Variants in MAML3 observed in about 807,000 individuals in gnomAD.
MAML3 encodes the protein mastermind like transcriptional coactivator 3, also known as mastermind-like protein 3.
A neutral mutation model predicts 101.9 loss-of-function variants in MAML3; 27 were observed. The ratio of observed to expected loss-of-function variants is 0.27; its 90% confidence interval spans 0.20 to 0.37. The LOEUF (loss-of-function observed/expected upper bound fraction) is 0.37, where lower values mean the gene tolerates loss of function less well. Among genes scored for constraint, MAML3 ranks in the 10% least tolerant of loss-of-function variants. The pLI is 1.00. For missense variants in MAML3, 1,316 were observed against 1,444.9 expected (o/e 0.91, Z 1.45); for synonymous variants, 501 against 555.9 (o/e 0.90, Z 1.39).
At chr4:139,756,948 G>A (rs6536440) in intron 2 of MAML3, among the ~76,000 whole-genome samples, 14,472 of 152,128 alleles carry the variant, frequency 0.095, 1,171 homozygotes, top group East Asian at 0.45. Context: ...GCTTGGAAGC[G>A]CATTATCACA....
intron 1 of MAML3, among the ~76,000 whole-genome samples, chr4:140,150,779 T>G (rs1729144884): frequency 1.3e-5 from 2 of 150,348 alleles, no homozygotes; most frequent in South Asian, 4.2e-4. Context: ...GGGAGAGAAA[T>G]AGGTTGGAGA....
At chr4:139,772,385 A>G (rs758969806) in intron 2 of MAML3, among the ~76,000 whole-genome samples, 1 of 144,902 alleles carries the variant, frequency 6.9e-6, no homozygotes, top group Non-Finnish European at 1.5e-5. Flanking sequence ...CTTGTTGCTT[A>G]GGCTGGAGTG....
intron 2 of MAML3, among the ~76,000 whole-genome samples, chr4:139,787,286 A>G (rs550121579): frequency 6.6e-6 from 1 of 152,382 alleles, no homozygotes; most frequent in South Asian, 2.1e-4. Flanking sequence ...AGGGAGATCT[A>G]CAACTACGGA....
At chr4:140,054,893 T>G (rs989147982) in intron 1 of MAML3, among the ~76,000 whole-genome samples, 2 of 152,204 alleles carry the variant, frequency 1.3e-5, no homozygotes, top group Non-Finnish European at 2.9e-5. Context: ...ATTTTTAAAG[T>G]GTACTAGAAT....
chr4:139,802,690 G>A (rs1011755810), intron 2 of MAML3, among the ~76,000 whole-genome samples: 1 of 152,242 alleles, frequency 6.6e-6, no homozygotes, highest in Non-Finnish European at 1.5e-5. Context: ...GCCTGTGAGA[G>A]ATGGATGGAT....
intron 2 of MAML3, among the ~76,000 whole-genome samples, chr4:139,741,220 T>C (rs142880117): frequency 2.0e-5 from 3 of 152,138 alleles, no homozygotes; most frequent in Admixed American, 6.5e-5. Flanking sequence ...CTTCTCCTTA[T>C]GTAAAGATTG....
intron 1 of MAML3, among the ~76,000 whole-genome samples, chr4:140,110,420 C>T (rs372025779): frequency 1.1e-4 from 17 of 152,284 alleles, no homozygotes; most frequent in East Asian, 1.9e-4. Flanking sequence ...CTTTCCTTCA[C>T]GCTCTAATAA....
At chr4:140,032,342 G>A (rs369160865) in intron 1 of MAML3, among the ~76,000 whole-genome samples, 9 of 152,274 alleles carry the variant, frequency 5.9e-5, no homozygotes, top group East Asian at 1.9e-4. Context: ...TCTTTGTAGC[G>A]GATGACCTGT....
At chr4:140,060,557 G>T (rs1374653334) in intron 1 of MAML3, among the ~76,000 whole-genome samples, 1 of 151,810 alleles carries the variant, frequency 6.6e-6, no homozygotes, top group Non-Finnish European at 1.5e-5. Flanking sequence ...TCTAGTCACA[G>T]CAAATGCATA....
At chr4:140,005,471 C>A (rs573555186) in intron 1 of MAML3, among the ~76,000 whole-genome samples, 1 of 152,342 alleles carries the variant, frequency 6.6e-6, no homozygotes, top group East Asian at 1.9e-4. Flanking sequence ...ACAAACAAAG[C>A]ACTTACTAAA....
Position 139,730,403 on chromosome 4 carries a change from A to C in MAML3, c.2331+13T>G, listed in dbSNP as rs1307838060. 6.5e-7 allele frequency: 1 copy of C among 1,547,712 alleles called. No homozygotes were observed. Among genetic ancestry groups the C allele is most frequent in the South Asian group, 1.2e-5 (1 of 84,008 alleles). ...CTGAATGAATGAATGAATCACGCCA[A>C]GGGGCATGTTACCTGTTCCGCCAAA... On this transcript the variant is annotated intron_variant, in intron 3 of 4. Transcript: ENST00000509479.
chr4:139,884,215 A>C (rs1459783414), intron 2 of MAML3, among the ~76,000 whole-genome samples: 1 of 152,170 alleles, frequency 6.6e-6, no homozygotes, highest in African/African-American at 2.4e-5. Flanking sequence ...ATCTTCCAAG[A>C]GATTTCCATG....
intron 1 of MAML3, among the ~76,000 whole-genome samples, chr4:140,137,594 T>C (rs910325290): frequency 6.6e-6 from 1 of 152,222 alleles, no homozygotes; most frequent in African/African-American, 2.4e-5. Context: ...CAAGTGTGCA[T>C]TACACTTTGA....
intron 2 of MAML3, among the ~76,000 whole-genome samples, chr4:139,766,769 C>T (rs1165603656): frequency 4.6e-5 from 7 of 152,210 alleles, no homozygotes; most frequent in Non-Finnish European, 8.8e-5. Flanking sequence ...GGTAAAGGTT[C>T]TGGCATCTGG....
At chr4:139,855,369 T>C (rs1365026553) in intron 2 of MAML3, among the ~76,000 whole-genome samples, 1 of 152,236 alleles carries the variant, frequency 6.6e-6, no homozygotes, top group Non-Finnish European at 1.5e-5. Flanking sequence ...TCAATGTATA[T>C]ATTAGAGAAA....
chr4:139,745,672 T>C (rs1425515855), intron 2 of MAML3, among the ~76,000 whole-genome samples: 2 of 152,236 alleles, frequency 1.3e-5, no homozygotes, highest in Non-Finnish European at 2.9e-5. Context: ...GGCAGAGATA[T>C]AGTGATCCCT....
At chr4:139,834,375 G>A (rs1731222695) in intron 2 of MAML3, among the ~76,000 whole-genome samples, 1 of 152,176 alleles carries the variant, frequency 6.6e-6, no homozygotes, top group Admixed American at 6.5e-5. Flanking sequence ...GGAGGGAGGG[G>A]TTACCCAGTA....
At chr4:140,026,278 GGAA>G (rs1256145036) in intron 1 of MAML3, among the ~76,000 whole-genome samples, 1 of 151,702 alleles carries the variant, frequency 6.6e-6, no homozygotes, top group Non-Finnish European at 1.5e-5. Context: ...TTTTTGAGAC[GGAA>G]TCTCACTCTG....
chr4:139,761,006 T>C (rs1729745739), intron 2 of MAML3, among the ~76,000 whole-genome samples: 1 of 152,180 alleles, frequency 6.6e-6, no homozygotes, highest in African/African-American at 2.4e-5. Flanking sequence ...TTGCCCAGGC[T>C]GGAGTACAAT....
Sources: allele counts gnomAD v4.1 joint callset (sites outside exome capture counted in the v4.1 genomes callset), GRCh38; gene constraint gnomAD v4.1.1; transcripts MANE v1.5; gene names NCBI Gene and HGNC (gene_info 2026-07-23, HGNC 2026-07-21).